The following SEMA5B variants were observed in gnomAD, a reference collection of about 807,000 sequenced individuals.
The protein encoded by SEMA5B is semaphorin-5B.
Under a neutral mutation model 135.0 loss-of-function variants are expected in SEMA5B, and 66 were observed. That is an observed-to-expected ratio of 0.49 (90% confidence interval 0.40 to 0.60). The LOEUF (loss-of-function observed/expected upper bound fraction) is 0.60, where lower values mean the gene tolerates loss of function less well. SEMA5B is among the 20% of genes least tolerant of loss of function. The pLI is 0.00. For missense variants in SEMA5B, 1,501 were observed against 1,566.3 expected (o/e 0.96, Z 0.70); for synonymous variants, 690 against 639.5 (o/e 1.08, Z -1.19).
intron 1 of SEMA5B, among the ~76,000 whole-genome samples, chr3:122,973,826 G>A (rs1941215761): frequency 6.6e-6 from 1 of 152,124 alleles, no homozygotes; most frequent in Non-Finnish European, 1.5e-5. Context: ...GGGCAGAGAG[G>A]GAGGAGAAGG....
intron 1 of SEMA5B, among the ~76,000 whole-genome samples, chr3:122,967,412 G>A (rs1576375236): frequency 6.6e-6 from 1 of 152,284 alleles, no homozygotes; most frequent in Non-Finnish European, 1.5e-5. Flanking sequence ...AGAGTAGCAG[G>A]TGCTGTTGGT....
chr3:123,007,506 T>C (rs949977328), intron 1 of SEMA5B, among the ~76,000 whole-genome samples: 3 of 152,180 alleles, frequency 2.0e-5, no homozygotes, highest in South Asian at 2.1e-4. Flanking sequence ...TGTAGCAGTG[T>C]TAGAGGTGGA....
At chr3:123,024,539 G>T (rs2107845025) in intron 1 of SEMA5B, among the ~76,000 whole-genome samples, 1 of 152,330 alleles carries the variant, frequency 6.6e-6, no homozygotes, top group Non-Finnish European at 1.5e-5. Context: ...TCTTTGCTCT[G>T]CATGTGGAAC....
At position 123,002,275 on chromosome 3, in the gene SEMA5B, T is replaced by C. The variant is rs1051109942; in HGVS notation, c.-39+25189A>G. The stretch of plus-strand genomic sequence containing the variant: ...GTGGAGCTCAACTTTCACTATTCCA[T>C]TAACCCAGTGCATTGCATTCCAAAG... On this transcript the variant is annotated intron_variant, in intron 1 of 22. Transcript: ENST00000357599. 1.4e-4 allele frequency among the ~76,000 whole-genome samples: 21 copies of C among 152,318 alleles called. 1 individual carries two copies. The highest frequency in any genetic ancestry group is 1.3e-3 in the Admixed American group (20 of 15,302).
At chr3:122,989,577 T>C (rs1306550933) in intron 1 of SEMA5B, among the ~76,000 whole-genome samples, 2 of 152,176 alleles carry the variant, frequency 1.3e-5, no homozygotes, top group Non-Finnish European at 1.5e-5. Context: ...TGGGTAATCC[T>C]CATGTCACTT....
Position 122,913,664 on chromosome 3 carries a change from G to C in SEMA5B, c.2150C>G (p.Thr717Arg). Reference sequence around the variant, plus strand: ...CCAGAAGATGGGCACCGGGCAAGGCGTGTTCTCATTACAGAACCTGGGGTC... The same window carrying C: ...CCAGAAGATGGGCACCGGGCAAGGCCTGTTCTCATTACAGAACCTGGGGTC... ...SREERFCNEN[T>R]PCPVPIFWAS... The change falls in exon 16 of 23, where the codon ACG (threonine) becomes AGG (arginine). Residue 717 changes from threonine to arginine, a missense_variant. This residue lies in a region of SEMA5B where 927 missense variants were observed against 881.6 expected (regional missense o/e 1.05). Coordinates refer to ENST00000357599, the MANE Select transcript of SEMA5B (RefSeq NM_001031702.4). 2 of 1,613,718 alleles carry C rather than the reference G, an allele frequency of 1.2e-6. No individual in the cohort carries two copies. Among genetic ancestry groups the C allele is most frequent in the Non-Finnish European group, 1.7e-6 (2 of 1,179,980 alleles).
chr3:122,964,881 T>C (rs1940752052), intron 1 of SEMA5B, among the ~76,000 whole-genome samples: 1 of 152,272 alleles, frequency 6.6e-6, no homozygotes, highest in South Asian at 2.1e-4. Flanking sequence ...TAATTAACAC[T>C]CTCCCTCCTC....
At chr3:122,935,696 T>C (rs920293537) in intron 5 of SEMA5B, among the ~76,000 whole-genome samples, 2 of 134,138 alleles carry the variant, frequency 1.5e-5, no homozygotes, top group African/African-American at 2.8e-5. Context: ...CTTTTTTTTT[T>C]TTTTTTTTTT....
chr3:122,958,247 T>A (rs1400701166), intron 2 of SEMA5B: 9 of 152,186 alleles, frequency 5.9e-5, no homozygotes, highest in Non-Finnish European at 1.2e-4. Flanking sequence ...TTGGGGAAGG[T>A]GATTCAGGCC....
chr3:122,915,359 C>T, intron 14 of SEMA5B, 81 bp downstream of exon 14: 1 of 1,412,756 alleles, frequency 7.1e-7, no homozygotes, highest in South Asian at 1.4e-5. Flanking sequence ...AGTGCAAACA[C>T]CCAAGTGAGG....
At chr3:122,979,068 G>A (rs1191538858) in intron 1 of SEMA5B, among the ~76,000 whole-genome samples, 1 of 152,158 alleles carries the variant, frequency 6.6e-6, no homozygotes, top group Non-Finnish European at 1.5e-5. Flanking sequence ...TGAAAAGAAG[G>A]GACAAAGCAC....
intron 3 of SEMA5B, among the ~76,000 whole-genome samples, chr3:122,947,867 C>T (rs573537936): frequency 3.6e-4 from 54 of 152,094 alleles, no homozygotes; most frequent in Admixed American, 9.8e-4. Context: ...TGTAACAGAT[C>T]GTGAGAGAAT....
At chr3:122,966,853 C>T (rs1266121699) in intron 1 of SEMA5B, among the ~76,000 whole-genome samples, 14 of 134,822 alleles carry the variant, frequency 1.0e-4, no homozygotes, top group East Asian at 8.5e-4. Flanking sequence ...CCACCACACC[C>T]GGCCTATTAC....
At chr3:122,965,724 C>T (rs1185016897) in intron 1 of SEMA5B, among the ~76,000 whole-genome samples, 1 of 152,244 alleles carries the variant, frequency 6.6e-6, no homozygotes, top group African/African-American at 2.4e-5. Flanking sequence ...ACTCCCTACC[C>T]TAAAACCTCT....
intron 9 of SEMA5B, 81 bp downstream of exon 9, chr3:122,926,311 T>A: frequency 7.3e-7 from 1 of 1,376,606 alleles, no homozygotes. Context: ...GTCCCCATTT[T>A]ATAGATGAAG....
At chr3:122,938,749 G>A (rs988076420) in intron 5 of SEMA5B, among the ~76,000 whole-genome samples, 4 of 152,188 alleles carry the variant, frequency 2.6e-5, no homozygotes, top group East Asian at 1.9e-4. Context: ...CCTCATTGAA[G>A]AAGAGATGGC....
intron 1 of SEMA5B, 93 bp from the exon 2 acceptor site, chr3:122,961,394 A>G: frequency 2.7e-6 from 3 of 1,100,834 alleles, no homozygotes; most frequent in Non-Finnish European, 3.9e-6. Flanking sequence ...CCCAGGGACC[A>G]CATGGTTGCT....
In SEMA5B at chr3:122,911,976, C is replaced by T; in HGVS notation, c.2990G>A (p.Ser997Asn). 1.2e-6 allele frequency: 2 copies of T among 1,613,156 alleles called. No individual in the cohort carries two copies. ...RHCEELLPGS[S>N]ACAGNSSQSR... is the part of the protein sequence containing the mutation. ...CTGGCTGCTGTTTCCAGCACAGGCG[C>T]TGGACCCTGGGAGGAGCTCCTCACA... Residue 997 changes from serine (S) to asparagine (N), a missense_variant, in exon 20 of 23, where the codon AGC (serine) becomes AAC (asparagine). Coordinates refer to ENST00000357599, the MANE Select transcript of SEMA5B (RefSeq NM_001031702.4).
chr3:122,910,339 G>A (rs1482126642), intron 22 of SEMA5B, 38 bp from the exon 23 acceptor site: 2 of 1,607,166 alleles, frequency 1.2e-6, no homozygotes, highest in South Asian at 1.1e-5. Flanking sequence ...AGGGGTGAGG[G>A]AACACACAGG....
Sources: gnomAD v4.1 joint callset for allele counts (sites outside exome capture counted in the v4.1 genomes callset) on GRCh38, gnomAD v4.1.1 for gene constraint, gnomAD v4.1.1 regional missense constraint, MANE v1.5 for transcripts, NCBI Gene and HGNC (gene_info 2026-07-23, HGNC 2026-07-21) for gene names.